Variants in DAAM1 observed in about 807,000 individuals in gnomAD.
The protein encoded by DAAM1 is dishevelled associated activator of morphogenesis 1, also known as disheveled-associated activator of morphogenesis 1.
A neutral mutation model predicts 130.0 loss-of-function variants in DAAM1; 52 were observed. That is an observed-to-expected ratio of 0.40 (90% CI 0.32 to 0.50). The LOEUF (loss-of-function observed/expected upper bound fraction) is 0.50. DAAM1 is among the 20% of genes least tolerant of loss of function. The pLI is 0.61. For synonymous variants in DAAM1, 452 were observed against 444.5 expected (o/e 1.02, Z -0.21); for missense variants, 1,134 against 1,303.8 (o/e 0.87, Z 2.01).
chr14:59,214,542 G>GCTTT (rs1888519954), intron 1 of DAAM1, among the ~76,000 whole-genome samples: 2 of 152,286 alleles, frequency 1.3e-5, no homozygotes, highest in South Asian at 4.1e-4. Context: ...CTACTAATCT[G>GCTTT]CTTTCTGTCT....
chr14:59,250,824 A>G (rs1426655496), intron 1 of DAAM1, among the ~76,000 whole-genome samples: 2 of 152,260 alleles, frequency 1.3e-5, no homozygotes, highest in African/African-American at 4.8e-5. Flanking sequence ...ACATATTGCT[A>G]CAAATACAGT....
rs181208537 is a variant in DAAM1 at position 59,358,326 on chromosome 14, A to C, written c.2526-1071A>C. Among the ~76,000 whole-genome samples the C allele has an allele frequency of 6.6e-4, 101 of 152,362 alleles. No homozygotes were observed. The East Asian group carries it at 0.018, about 27-fold the overall frequency. On this transcript the variant is annotated intron_variant, in intron 20 of 24. Coordinates refer to ENST00000360909, the MANE Select transcript of DAAM1 (RefSeq NM_001270520.2). ...CTTGCTGGCCTTTTCCATCCAGGTC[A>C]GTCAGAGTTCAGCCCTGTCACCACC...
chr14:59,272,985 C>T (rs1180504220), intron 2 of DAAM1, among the ~76,000 whole-genome samples: 16 of 152,154 alleles, frequency 1.1e-4, no homozygotes. Flanking sequence ...GTTTTGCTTG[C>T]TGATATCTGC....
intron 5 of DAAM1, 23 bp downstream of exon 5, chr14:59,320,607 G>GTTTTT: frequency 1.6e-6 from 2 of 1,248,482 alleles, no homozygotes; most frequent in East Asian, 3.0e-5. Context: ...TGGATGGCAT[G>GTTTTT]TTTTTTTTTT....
intron 2 of DAAM1, among the ~76,000 whole-genome samples, chr14:59,274,582 A>T (rs776625775): frequency 3.9e-5 from 6 of 152,192 alleles, no homozygotes; most frequent in Non-Finnish European, 7.4e-5. Context: ...TAGGTGCTCA[A>T]TGAATGTTTG....
chr14:59,308,524 G>C (rs1278063486), intron 3 of DAAM1, among the ~76,000 whole-genome samples: 1 of 152,062 alleles, frequency 6.6e-6, no homozygotes, highest in African/African-American at 2.4e-5. Flanking sequence ...TTTTTTAACA[G>C]TTCATGAGAG....
intron 1 of DAAM1, among the ~76,000 whole-genome samples, chr14:59,218,573 T>A (rs1888664683): frequency 6.6e-6 from 1 of 152,224 alleles, no homozygotes; most frequent in Admixed American, 6.5e-5. Flanking sequence ...TTATCTACCA[T>A]TCCTTGACAT....
At chr14:59,351,111 T>C (rs561072429) in intron 17 of DAAM1, among the ~76,000 whole-genome samples, 55 of 151,952 alleles carry the variant, frequency 3.6e-4, no homozygotes, top group African/African-American at 1.3e-3. Flanking sequence ...CCCTGTTATG[T>C]TGTTGCCTAA....
At chr14:59,336,676 A>G (rs1042839566) in intron 15 of DAAM1, among the ~76,000 whole-genome samples, 2 of 152,232 alleles carry the variant, frequency 1.3e-5, no homozygotes, top group South Asian at 2.1e-4. Flanking sequence ...GTTATTAACT[A>G]TTACACTTAT....
At chr14:59,192,346 G>C (rs960872655) in intron 1 of DAAM1, among the ~76,000 whole-genome samples, 4 of 152,164 alleles carry the variant, frequency 2.6e-5, no homozygotes, top group African/African-American at 9.7e-5. Context: ...GAGGTCTTGT[G>C]TGAAAACACT....
At chr14:59,285,277 A>G (rs1566684293) in intron 2 of DAAM1, among the ~76,000 whole-genome samples, 2 of 152,194 alleles carry the variant, frequency 1.3e-5, no homozygotes, top group African/African-American at 2.4e-5. Flanking sequence ...ACTTGTTGCA[A>G]TTAGACCTGC....
chr14:59,260,276 A>G (rs965971216), intron 1 of DAAM1, among the ~76,000 whole-genome samples: 3 of 152,208 alleles, frequency 2.0e-5, no homozygotes, highest in Non-Finnish European at 4.4e-5. Context: ...GGTTTTTTAA[A>G]TCTCACTTTA....
At position 59,192,306 on chromosome 14, in the gene DAAM1, A is replaced by C. The variant is rs554612693; in HGVS notation, c.-38+3538A>C. ...TGATTGAAAGTGTTTCATTTTGTAA[A>C]TATTTGGGAGATGGCATAAAGAGAA... On this transcript the variant is annotated intron_variant, in intron 1 of 24. Coordinates refer to ENST00000360909, the MANE Select transcript of DAAM1 (RefSeq NM_001270520.2). 1.2e-4 allele frequency among the ~76,000 whole-genome samples: 19 copies of C among 152,270 alleles called. 2 individuals carry two copies. The South Asian group carries it at 3.9e-3, about 32-fold the overall frequency.
chr14:59,245,245 G>C (rs752386301), intron 1 of DAAM1, among the ~76,000 whole-genome samples: 1 of 152,028 alleles, frequency 6.6e-6, no homozygotes, highest in Non-Finnish European at 1.5e-5. Context: ...TAACTTTCAT[G>C]TCCTTTGCCT....
At chr14:59,199,642 A>G (rs1361677745) in intron 1 of DAAM1, among the ~76,000 whole-genome samples, 4 of 152,196 alleles carry the variant, frequency 2.6e-5, no homozygotes, top group Admixed American at 6.5e-5. Context: ...CCTATTTTCA[A>G]CTAAATTAAA....
At chr14:59,345,381 C>T (rs1886032181) in intron 16 of DAAM1, among the ~76,000 whole-genome samples, 1 of 152,092 alleles carries the variant, frequency 6.6e-6, no homozygotes, top group African/African-American at 2.4e-5. Flanking sequence ...GGTGATAGAA[C>T]GGGCCTTATT....
rs568235067 is a variant in DAAM1 at position 59,236,244 on chromosome 14, C to A, written c.-37-27197C>A. Among the ~76,000 whole-genome samples the A allele has an allele frequency of 5.3e-5, 8 of 151,978 alleles. No individual in the cohort carries two copies. The South Asian group carries it at 1.7e-3, about 32-fold the overall frequency. On this transcript the variant is annotated intron_variant, in intron 1 of 24. Transcript: ENST00000360909. ...AAGGGAAGAAGTTGTAGTAGAATGACTAGTTTTCTATCTAGTAGGTGTTGT... is the reference window on the plus strand; with the variant it reads ...AAGGGAAGAAGTTGTAGTAGAATGAATAGTTTTCTATCTAGTAGGTGTTGT...
At chr14:59,270,739 A>G (rs1240574653) in intron 2 of DAAM1, among the ~76,000 whole-genome samples, 3 of 152,142 alleles carry the variant, frequency 2.0e-5, no homozygotes, top group Non-Finnish European at 4.4e-5. Flanking sequence ...TGCATACCCC[A>G]AGAATAAGGG....
rs535250517 is a variant in DAAM1, at chr14:59,201,041, G to A, written c.-38+12273G>A. On this transcript the variant is annotated intron_variant, in intron 1 of 24. Coordinates refer to ENST00000360909, the MANE Select transcript of DAAM1 (RefSeq NM_001270520.2). ...CCAGGCGTGGTGGTGGGTGCCTGTA[G>A]TCCCAGCTACTCGGGAGTCTGAGGC... is the stretch of plus-strand genomic sequence containing the variant. Among the ~76,000 whole-genome samples the A allele has an allele frequency of 1.4e-4, 21 of 151,760 alleles. No homozygotes were observed. In the East Asian group the frequency reaches 3.9e-3, roughly 28 times the overall value.
Sources: gnomAD v4.1 joint callset for allele counts (sites outside exome capture counted in the v4.1 genomes callset) on GRCh38, gnomAD v4.1.1 for gene constraint, MANE v1.5 for transcripts, NCBI Gene and HGNC (gene_info 2026-07-23, HGNC 2026-07-21) for gene names.